HIP1: variants seen among roughly 807,000 people sequenced by gnomAD.
The protein encoded by HIP1 is huntingtin interacting protein 1.
A neutral mutation model predicts 147.6 loss-of-function variants in HIP1; 65 were observed. The ratio of observed to expected loss-of-function variants is 0.44; its 90% CI spans 0.36 to 0.54. The LOEUF (loss-of-function observed/expected upper bound fraction) is 0.54, where lower values mean the gene tolerates loss of function less well. HIP1 is among the 20% of genes least tolerant of loss of function. The pLI is 0.00. For missense variants in HIP1, 1,061 were observed against 1,299.6 expected, an observed-to-expected ratio of 0.82 and a Z score of 2.82; for synonymous variants, 479 against 504.0, an observed-to-expected ratio of 0.95 and a Z score of 0.67.
At chr7:75,573,199 C>T (rs1584815879) in intron 8 of HIP1, among the ~76,000 whole-genome samples, 1 of 152,132 alleles carries the variant, frequency 6.6e-6, no homozygotes, top group Non-Finnish European at 1.5e-5. Context: ...AGAGATGGGA[C>T]GACCAGCTAC....
intron 22 of HIP1, among the ~76,000 whole-genome samples, chr7:75,550,170 G>A (rs1794729343): frequency 6.6e-6 from 1 of 152,132 alleles, no homozygotes; most frequent in African/African-American, 2.4e-5. Context: ...CAAAGCCTAT[G>A]ATTTTTAAAA....
chr7:75,695,568 G>A (rs1254814057), intron 1 of HIP1, among the ~76,000 whole-genome samples: 1 of 99,444 alleles, frequency 1.0e-5, no homozygotes, highest in Admixed American at 1.0e-4. Flanking sequence ...AGCGGTACCA[G>A]TTTTTTTTGT....
Position 75,641,706 on chromosome 7 carries a change from A to C in HIP1, c.121-42459T>G, listed in dbSNP as rs960594215. Among the ~76,000 whole-genome samples, 4 of 149,692 alleles carry C rather than the reference A, an allele frequency of 2.7e-5. 1 individual carries two copies. The highest frequency in any genetic ancestry group is 7.9e-3 in the Middle Eastern group (2 of 252). On this transcript the variant is annotated intron_variant, in intron 1 of 30. Transcript: ENST00000336926. ...GAGACGGGGTTTCTCCATGTTGGTC[A>C]GGCTGATCTCGAACTCCCGACCTCA...
At chr7:75,723,963 G>T (rs1366451971) in intron 1 of HIP1, among the ~76,000 whole-genome samples, 2 of 149,144 alleles carry the variant, frequency 1.3e-5, no homozygotes, top group South Asian at 4.3e-4. Flanking sequence ...GAGAGAGAGA[G>T]AGAGAGAAAG....
intron 25 of HIP1, among the ~76,000 whole-genome samples, chr7:75,546,704 C>T (rs1267055632): frequency 6.6e-6 from 1 of 152,172 alleles, no homozygotes; most frequent in Non-Finnish European, 1.5e-5. Flanking sequence ...ACAGCAAGTT[C>T]CAACAATGTC....
chr7:75,606,253 T>C (rs2117037159), intron 1 of HIP1, among the ~76,000 whole-genome samples: 1 of 152,224 alleles, frequency 6.6e-6, no homozygotes, highest in East Asian at 1.9e-4. Flanking sequence ...CGAGCTTCAG[T>C]AGGACTGGCA....
chr7:75,686,931 A>G (rs1399665467), intron 1 of HIP1, among the ~76,000 whole-genome samples: 2 of 130,502 alleles, frequency 1.5e-5, no homozygotes, highest in Non-Finnish European at 3.1e-5. Flanking sequence ...ATGATCCTCC[A>G]CCCTCAGCCT....
chr7:75,547,360 C>T (rs868972137), intron 24 of HIP1, among the ~76,000 whole-genome samples: 3 of 152,138 alleles, frequency 2.0e-5, no homozygotes, highest in Admixed American at 6.6e-5. Flanking sequence ...CTCCACCTCC[C>T]AGGTTCAAGT....
At chr7:75,685,148 G>A (rs941028925) in intron 1 of HIP1, among the ~76,000 whole-genome samples, 1 of 151,890 alleles carries the variant, frequency 6.6e-6, no homozygotes, top group Non-Finnish European at 1.5e-5. Flanking sequence ...TCCAGGCTAG[G>A]CAGAGTGTAA....
At chr7:75,554,640 C>T (rs1254347082) in intron 19 of HIP1, 114 bp from the exon 20 acceptor site, 7 of 706,182 alleles carry the variant, frequency 9.9e-6, no homozygotes, top group East Asian at 5.2e-5. Context: ...CCTGCCTAGA[C>T]GTGAAGTTCA....
intron 1 of HIP1, among the ~76,000 whole-genome samples, chr7:75,732,154 G>A (rs556839150): frequency 1.1e-4 from 17 of 152,142 alleles, no homozygotes; most frequent in African/African-American, 3.9e-4. Context: ...TGTGACCTTG[G>A]ACAAGTCACT....
At chr7:75,644,115 G>A (rs891931960) in intron 1 of HIP1, among the ~76,000 whole-genome samples, 3 of 152,170 alleles carry the variant, frequency 2.0e-5, no homozygotes, top group Non-Finnish European at 4.4e-5. Flanking sequence ...ATATGAGCAA[G>A]TTCCTTAACC....
At chr7:75,549,048 TCTTCTCCTCTGC>T in intron 22 of HIP1, 47 bp from the exon 23 acceptor site, 1 of 1,314,244 alleles carries the variant, frequency 7.6e-7, no homozygotes, top group Non-Finnish European at 1.1e-6. Context: ...GCCTCCTGTC[TCTTCTCCTCTGC>T]CATCTGTAAC....
chr7:75,730,627 C>T (rs1280033958), intron 1 of HIP1, among the ~76,000 whole-genome samples: 1 of 151,818 alleles, frequency 6.6e-6, no homozygotes, highest in Non-Finnish European at 1.5e-5. Context: ...GTGTGAGCCA[C>T]CGTGTCCAGC....
At chr7:75,674,249 G>A (rs1031062006) in intron 1 of HIP1, among the ~76,000 whole-genome samples, 1 of 152,114 alleles carries the variant, frequency 6.6e-6, no homozygotes, top group Admixed American at 6.6e-5. Flanking sequence ...GAATATAAGT[G>A]GTAAGAGCAG....
chr7:75,708,630 C>T (rs1203183707), intron 1 of HIP1, among the ~76,000 whole-genome samples: 1 of 151,990 alleles, frequency 6.6e-6, no homozygotes, highest in Admixed American at 6.6e-5. Context: ...CATTGAATGG[C>T]CTTGGCACTC....
chr7:75,668,023 A>G (rs1050705208), intron 1 of HIP1, among the ~76,000 whole-genome samples: 11 of 152,224 alleles, frequency 7.2e-5, no homozygotes, highest in African/African-American at 2.7e-4. Context: ...AATTATTGTC[A>G]GGTACACTTC....
intron 24 of HIP1, 67 bp from the exon 25 acceptor site, chr7:75,547,099 C>A: frequency 7.6e-7 from 1 of 1,308,090 alleles, no homozygotes; most frequent in South Asian, 1.3e-5. Flanking sequence ...CGACGGTTCT[C>A]TTCCCCACTC....
intron 1 of HIP1, among the ~76,000 whole-genome samples, chr7:75,689,337 C>T (rs1800367941): frequency 6.6e-6 from 1 of 152,096 alleles, no homozygotes; most frequent in Non-Finnish European, 1.5e-5. Flanking sequence ...GAAATGTCGT[C>T]TCTACTAAAA....
Sources: gnomAD v4.1 joint callset for allele counts (sites outside exome capture counted in the v4.1 genomes callset) on GRCh38, gnomAD v4.1.1 for gene constraint, MANE v1.5 for transcripts, NCBI Gene and HGNC (gene_info 2026-07-23, HGNC 2026-07-21) for gene names.